Variants in SSH2 observed in about 807,000 individuals in gnomAD.
The protein encoded by SSH2 is slingshot protein phosphatase 2.
In SSH2, 37 loss-of-function variants were observed where a neutral mutation model predicts 135.2. The ratio of observed to expected loss-of-function variants is 0.27; its 90% CI spans 0.21 to 0.36. The LOEUF (loss-of-function observed/expected upper bound fraction) is 0.36. Ranked by LOEUF, SSH2 falls within the 10% of genes least tolerant of loss-of-function variation. The probability of loss-of-function intolerance (pLI) is 1.00; values close to 1 mark genes in which losing one functional copy is unlikely to be tolerated. For synonymous variants in SSH2, 628 were observed against 646.2 expected (o/e 0.97, Z 0.43); for missense variants, 1,408 against 1,765.3 (o/e 0.80, Z 3.63).
chr17:29,770,738 G>T (rs1041123108), intron 3 of SSH2, among the ~76,000 whole-genome samples: 11 of 152,132 alleles, frequency 7.2e-5, no homozygotes, highest in Admixed American at 2.6e-4. Flanking sequence ...CTCCTAAAGT[G>T]CTGGGATGAC....
chr17:29,701,889 AT>A (rs35686014), intron 4 of SSH2, among the ~76,000 whole-genome samples: 12,240 of 129,042 alleles, frequency 0.095, 1,087 homozygotes, highest in African/African-American at 0.29. Context: ...CTAATTTAAA[AT>A]TTTTTTTTTT....
At chr17:29,805,623 C>T (rs2042331738) in intron 2 of SSH2, among the ~76,000 whole-genome samples, 1 of 152,076 alleles carries the variant, frequency 6.6e-6, no homozygotes, top group Admixed American at 6.6e-5. Flanking sequence ...CACACATGAG[C>T]CCCTGCTTAG....
intron 2 of SSH2, among the ~76,000 whole-genome samples, chr17:29,803,950 G>A (rs955292433): frequency 6.6e-6 from 1 of 152,186 alleles, no homozygotes; most frequent in African/African-American, 2.4e-5. Flanking sequence ...GGACCAGAGT[G>A]AATACCTAGG....
chr17:29,877,697 G>A (rs898661225), intron 1 of SSH2, among the ~76,000 whole-genome samples: 2 of 151,816 alleles, frequency 1.3e-5, no homozygotes, highest in African/African-American at 4.8e-5. Context: ...TGGAGATAGA[G>A]AAGGATGGTT....
At chr17:29,833,168 A>T (rs1036074599) in intron 2 of SSH2, among the ~76,000 whole-genome samples, 1 of 152,196 alleles carries the variant, frequency 6.6e-6, no homozygotes, top group African/African-American at 2.4e-5. Context: ...GATCTTTCCA[A>T]TATTGAAAGT....
chr17:29,648,472 C>T (rs2036465233), intron 13 of SSH2, 128 bp from the exon 14 acceptor site: 1 of 694,418 alleles, frequency 1.4e-6, no homozygotes, highest in African/African-American at 1.8e-5. Flanking sequence ...AATCTCTCCA[C>T]TTTGGTACAC....
In SSH2 at chr17:29,672,039, A is replaced by G. The variant is rs1424451309; in HGVS notation, c.705T>C (p.Tyr235=). The G allele has an allele frequency of 1.5e-5, 24 of 1,614,132 alleles. No individual in the cohort carries two copies. The highest frequency in any genetic ancestry group is 1.9e-5 in the Non-Finnish European group (22 of 1,179,970). ...PGSLFLTWVS[Y]YESHINSDQS... ...GATCTGAGTTGATATGGCTCTCATA[A>G]TAACTCACCCAAGTGAGAAATAGGC... The change falls in exon 9 of 16, where the codon TAT becomes TAC. Residue 235 remains tyrosine, a synonymous_variant. Coordinates refer to ENST00000540801, the MANE Select transcript of SSH2 (RefSeq NM_001282129.2).
chr17:29,718,938 A>AAC (rs1470429890), intron 3 of SSH2, among the ~76,000 whole-genome samples: 1 of 152,128 alleles, frequency 6.6e-6, no homozygotes, highest in Non-Finnish European at 1.5e-5. Flanking sequence ...TCCCAGGGAG[A>AAC]ACAAGGTAGC....
At chr17:29,814,474 A>G (rs2042519259) in intron 2 of SSH2, among the ~76,000 whole-genome samples, 2 of 151,562 alleles carry the variant, frequency 1.3e-5, no homozygotes, top group South Asian at 2.1e-4. Context: ...ATTTAAGATA[A>G]AACAATAATA....
intron 3 of SSH2, among the ~76,000 whole-genome samples, chr17:29,724,451 C>G (rs1405318732): frequency 7.2e-6 from 1 of 138,666 alleles, no homozygotes; most frequent in African/African-American, 2.7e-5. Context: ...TCACTTGAAC[C>G]CGGGAGGCGG....
intron 12 of SSH2, among the ~76,000 whole-genome samples, chr17:29,653,258 G>GCAGCA (rs1322013150): frequency 1.3e-5 from 2 of 152,230 alleles, no homozygotes; most frequent in South Asian, 2.1e-4. Flanking sequence ...TCATCTATAG[G>GCAGCA]CAGCACTATA....
At chr17:29,678,838 C>T (rs941056150) in intron 6 of SSH2, among the ~76,000 whole-genome samples, 3 of 151,256 alleles carry the variant, frequency 2.0e-5, no homozygotes, top group Admixed American at 2.0e-4. Context: ...CCTCAGCCTC[C>T]CGAGTAGCTG....
intron 3 of SSH2, among the ~76,000 whole-genome samples, chr17:29,721,358 C>T (rs1183521168): frequency 6.6e-6 from 1 of 152,150 alleles, no homozygotes; most frequent in African/African-American, 2.4e-5. Flanking sequence ...CCCTGGATTG[C>T]TTTTAGGTTT....
At chr17:29,760,218 T>A (rs1298976448) in intron 3 of SSH2, among the ~76,000 whole-genome samples, 1 of 152,210 alleles carries the variant, frequency 6.6e-6, no homozygotes, top group Admixed American at 6.5e-5. Flanking sequence ...AAAGTTTCTG[T>A]TGTTGGACAT....
At chr17:29,667,072 A>G in intron 10 of SSH2, 58 bp downstream of exon 10, 1 of 1,606,390 alleles carries the variant, frequency 6.2e-7, no homozygotes, top group African/African-American at 1.3e-5. Context: ...TTCCAGCCCC[A>G]CACCTACTGT....
At chr17:29,813,990 G>A (rs1447100771) in intron 2 of SSH2, among the ~76,000 whole-genome samples, 5 of 144,466 alleles carry the variant, frequency 3.5e-5, no homozygotes, top group Admixed American at 7.0e-5. Context: ...AAATTAGCCA[G>A]GCGTGGTGGC....
chr17:29,687,430 T>C (rs1986555), intron 5 of SSH2, among the ~76,000 whole-genome samples: 1 of 152,070 alleles, frequency 6.6e-6, no homozygotes, highest in Non-Finnish European at 1.5e-5. Flanking sequence ...TCATGTTCCA[T>C]GAAGTAATTG....
intron 5 of SSH2, among the ~76,000 whole-genome samples, chr17:29,689,363 T>C (rs376972377): frequency 6.6e-6 from 1 of 152,174 alleles, no homozygotes; most frequent in East Asian, 1.9e-4. Context: ...GTACATAATA[T>C]CCTAATTTTG....
chr17:29,660,358 C>T (rs906193673), intron 11 of SSH2, among the ~76,000 whole-genome samples: 33 of 151,444 alleles, frequency 2.2e-4, no homozygotes, highest in African/African-American at 7.3e-4. Flanking sequence ...CCTCTGCCTC[C>T]CAGGTTCAAG....
Sources: gnomAD v4.1 joint callset for allele counts (sites outside exome capture counted in the v4.1 genomes callset) on GRCh38, gnomAD v4.1.1 for gene constraint, MANE v1.5 for transcripts, NCBI Gene and HGNC (gene_info 2026-07-23, HGNC 2026-07-21) for gene names.